Variants in CSMD1 observed in about 807,000 individuals in gnomAD.
The protein encoded by CSMD1 is CUB and Sushi multiple domains 1.
CSMD1 carries 213 observed loss-of-function variants against 417.5 expected under a neutral mutation model. The observed-to-expected ratio is 0.51, with a 90% CI of 0.46 to 0.57. CSMD1 has a LOEUF of 0.57. Ranked by LOEUF, CSMD1 falls within the 20% of genes least tolerant of loss-of-function variation. The probability of loss-of-function intolerance (pLI) is 0.00; values close to 1 mark genes in which losing one functional copy is unlikely to be tolerated. For synonymous variants in CSMD1, 2,862 were observed against 1,736.8 expected (o/e 1.65, Z -16.11); for missense variants, 6,923 against 4,529.7 (o/e 1.53, Z -15.17).
chr8:4,577,097 CA>C (rs1799173648), intron 2 of CSMD1, among the ~76,000 whole-genome samples: 1 of 152,120 alleles, frequency 6.6e-6, no homozygotes, highest in Non-Finnish European at 1.5e-5. Context: ...TATATACACA[CA>C]CATATATAAC....
At chr8:4,221,189 G>T (rs1326682956) in intron 3 of CSMD1, among the ~76,000 whole-genome samples, 1 of 152,106 alleles carries the variant, frequency 6.6e-6, no homozygotes, top group African/African-American at 2.4e-5. Flanking sequence ...TTTCAATCTG[G>T]CTTTAGTCTC....
At chr8:4,548,527 G>C (rs1050003286) in intron 2 of CSMD1, among the ~76,000 whole-genome samples, 4 of 152,052 alleles carry the variant, frequency 2.6e-5, no homozygotes, top group Admixed American at 6.6e-5. Flanking sequence ...AATAAAAAAT[G>C]AATGCCTTTC....
intron 2 of CSMD1, among the ~76,000 whole-genome samples, chr8:4,432,865 C>G (rs899830301): frequency 1.3e-5 from 2 of 152,150 alleles, no homozygotes; most frequent in South Asian, 2.1e-4. Flanking sequence ...TCTCCAACCG[C>G]GAGCCACGAA....
At chr8:3,994,523 T>A (rs929143805) in intron 5 of CSMD1, among the ~76,000 whole-genome samples, 1 of 147,912 alleles carries the variant, frequency 6.8e-6, no homozygotes, top group African/African-American at 2.5e-5. Flanking sequence ...AGAAAAATAA[T>A]GACTAGACCA....
intron 17 of CSMD1, among the ~76,000 whole-genome samples, chr8:3,392,424 C>A (rs76674863): frequency 0.075 from 11,387 of 152,004 alleles, 481 homozygotes; most frequent in East Asian, 0.17. Flanking sequence ...GGGTGCTAGA[C>A]GGGGTTACCT....
chr8:3,804,635 A>G (rs940892237), intron 5 of CSMD1, among the ~76,000 whole-genome samples: 1 of 152,206 alleles, frequency 6.6e-6, no homozygotes, highest in African/African-American at 2.4e-5. Context: ...TTACGATAAA[A>G]TGCACACATA....
intron 5 of CSMD1, among the ~76,000 whole-genome samples, chr8:3,890,029 A>G (rs1029487918): frequency 1.3e-5 from 2 of 152,008 alleles, no homozygotes; most frequent in South Asian, 4.1e-4. Flanking sequence ...AAATATAAAC[A>G]TTTTTTTAAA....
chr8:4,860,581 G>A (rs1337255333), intron 1 of CSMD1, among the ~76,000 whole-genome samples: 1 of 151,966 alleles, frequency 6.6e-6, no homozygotes, highest in Admixed American at 6.5e-5. Flanking sequence ...GCAGAATCAT[G>A]AGCCAATTAA....
intron 3 of CSMD1, among the ~76,000 whole-genome samples, chr8:4,302,522 G>C (rs947172251): frequency 2.6e-5 from 4 of 152,118 alleles, no homozygotes; most frequent in African/African-American, 9.7e-5. Context: ...TTGCATGTAG[G>C]AAGTCAGATT....
At chr8:3,252,344 G>T (rs1234541611) in intron 26 of CSMD1, among the ~76,000 whole-genome samples, 1 of 152,168 alleles carries the variant, frequency 6.6e-6, no homozygotes, top group African/African-American at 2.4e-5. Context: ...CTTTGGTTCT[G>T]TTTATATGCT....
At chr8:3,259,012 G>C (rs1444010653) in intron 26 of CSMD1, among the ~76,000 whole-genome samples, 1 of 152,152 alleles carries the variant, frequency 6.6e-6, no homozygotes, top group African/African-American at 2.4e-5. Flanking sequence ...ATAGCTGGGT[G>C]ATGAATCTAG....
chr8:3,529,727 T>A (rs913397229), intron 10 of CSMD1, among the ~76,000 whole-genome samples: 1 of 152,166 alleles, frequency 6.6e-6, no homozygotes. Context: ...TATCTGTTGT[T>A]TTACTCACAG....
intron 2 of CSMD1, among the ~76,000 whole-genome samples, chr8:4,436,547 C>G (rs1455301767): frequency 1.3e-5 from 2 of 152,150 alleles, no homozygotes; most frequent in East Asian, 1.9e-4. Flanking sequence ...TCCGATCACA[C>G]TGTAAGTTAT....
chr8:2,983,489 C>A (rs1452458333), intron 54 of CSMD1, among the ~76,000 whole-genome samples: 2 of 152,064 alleles, frequency 1.3e-5, no homozygotes, highest in Admixed American at 1.3e-4. Flanking sequence ...CCCAGTCTTT[C>A]TGTTGTATAT....
In CSMD1 at chr8:4,199,383, T is replaced by C. The variant is rs116099228; in HGVS notation, c.416-167284A>G. Among the ~76,000 whole-genome samples, 1,385 of 152,270 alleles carry C rather than the reference T, an allele frequency of 9.1e-3. 17 individuals are homozygous for C. The highest frequency in any genetic ancestry group is 0.032 in the African/African-American group (1,318 of 41,544). On this transcript the variant is annotated intron_variant, in intron 3 of 69. Transcript: ENST00000635120. The stretch of plus-strand genomic sequence containing the variant: ...GATGCTTTAATAAAGATGCATAGTG[T>C]GGTGGAGTGAAAAGAATGGATTTGG...
intron 3 of CSMD1, among the ~76,000 whole-genome samples, chr8:4,314,657 A>G (rs982057529): frequency 3.9e-5 from 6 of 152,062 alleles, no homozygotes; most frequent in African/African-American, 1.2e-4. Context: ...TTACATTACC[A>G]TTTGTGAGTT....
chr8:3,535,594 T>A (rs941858754), intron 10 of CSMD1, among the ~76,000 whole-genome samples: 2 of 152,072 alleles, frequency 1.3e-5, no homozygotes, highest in Middle Eastern at 6.3e-3. Context: ...TAATGAGAAA[T>A]AACTTAATGG....
chr8:3,510,570 A>G (rs1192134084), intron 10 of CSMD1, among the ~76,000 whole-genome samples: 2 of 151,858 alleles, frequency 1.3e-5, no homozygotes, highest in Non-Finnish European at 2.9e-5. Flanking sequence ...TGCTTAACAC[A>G]TTACGTGGCA....
At chr8:3,357,447 A>G (rs1563306639) in intron 21 of CSMD1, among the ~76,000 whole-genome samples, 1 of 152,272 alleles carries the variant, frequency 6.6e-6, no homozygotes, top group Non-Finnish European at 1.5e-5. Flanking sequence ...AGCCTGAAGC[A>G]GTGCCTAGTC....
Sources: gnomAD v4.1 joint callset for allele counts (sites outside exome capture counted in the v4.1 genomes callset) on GRCh38, gnomAD v4.1.1 for gene constraint, MANE v1.5 for transcripts, NCBI Gene and HGNC (gene_info 2026-07-23, HGNC 2026-07-21) for gene names.